Variants in ABCA9 observed in about 807,000 individuals in gnomAD.
ABCA9 encodes ATP binding cassette subfamily A member 9, also known as ATP-binding cassette sub-family A member 9.
Under a neutral mutation model 205.3 loss-of-function variants are expected in ABCA9, and 183 were observed. The ratio of observed to expected loss-of-function variants is 0.89; its 90% CI spans 0.79 to 1.01. The LOEUF is 1.01. ABCA9 is among the 50% of genes least tolerant of loss of function. ABCA9 has a pLI of 0.00. For missense variants in ABCA9, 1,805 were observed against 1,912.4 expected, an observed-to-expected ratio of 0.94 and a Z score of 1.05; for synonymous variants, 651 against 683.3, an observed-to-expected ratio of 0.95 and a Z score of 0.74.
At chr17:68,984,666 C>G (rs1310194419) in intron 34 of ABCA9, among the ~76,000 whole-genome samples, 2 of 152,172 alleles carry the variant, frequency 1.3e-5, no homozygotes, top group South Asian at 2.1e-4. Context: ...CATGTAGGCA[C>G]AGACACAAAA....
intron 1 of ABCA9, among the ~76,000 whole-genome samples, chr17:69,055,086 T>C (rs2072028932): frequency 6.6e-6 from 1 of 152,138 alleles, no homozygotes; most frequent in African/African-American, 2.4e-5. Flanking sequence ...AAAAATAGAA[T>C]TGAAGACTAG....
intron 25 of ABCA9, among the ~76,000 whole-genome samples, chr17:68,997,669 A>G (rs2069678974): frequency 6.6e-6 from 1 of 151,310 alleles, no homozygotes; most frequent in Non-Finnish European, 1.5e-5. Context: ...GCTTCACAGC[A>G]AAATTGAGTG....
At chr17:69,008,516 T>C (rs1326310764) in intron 23 of ABCA9, among the ~76,000 whole-genome samples, 1 of 152,234 alleles carries the variant, frequency 6.6e-6, no homozygotes, top group Non-Finnish European at 1.5e-5. Flanking sequence ...AAGACATCTT[T>C]TCTTTGCAAG....
intron 3 of ABCA9, among the ~76,000 whole-genome samples, chr17:69,048,550 A>G (rs2071795617): frequency 6.6e-6 from 1 of 152,138 alleles, no homozygotes; most frequent in South Asian, 2.1e-4. Flanking sequence ...CTTCTCTTCC[A>G]TAGTGTGACT....
chr17:68,984,303 T>G, intron 34 of ABCA9, 128 bp from the exon 35 acceptor site: 1 of 1,280,824 alleles, frequency 7.8e-7, no homozygotes, highest in South Asian at 1.5e-5. Flanking sequence ...AAAAGGGGTG[T>G]GTGTAGGGAT....
chr17:68,988,978 A>T (rs1007595346), intron 31 of ABCA9, 49 bp downstream of exon 31: 1 of 1,152,260 alleles, frequency 8.7e-7, no homozygotes, highest in Non-Finnish European at 1.3e-6. Flanking sequence ...TGCCATCAAT[A>T]TTCTTTGTAG....
chr17:69,012,912 G>A (rs150535632), intron 22 of ABCA9, among the ~76,000 whole-genome samples: 330 of 151,844 alleles, frequency 2.2e-3, no homozygotes, highest in African/African-American at 7.6e-3. Flanking sequence ...ATTTGACTAC[G>A]TCCATGAGTT....
In ABCA9 at chr17:69,012,411, A is replaced by G. The variant is rs2070414017; in HGVS notation, c.3040-328T>C. 5 of 196,136 alleles carry G rather than the reference A, an allele frequency of 2.5e-5. No individual in the cohort carries two copies. The South Asian group carries it at 6.5e-4, about 25-fold the overall frequency. 12.1% of individuals were successfully genotyped at this position (196,136 alleles called of 1,614,324 possible). A position where few individuals can be genotyped will look rare whatever the true frequency, so the allele number is the denominator to read the frequency against. On this transcript the variant is annotated intron_variant, in intron 22 of 38. Coordinates refer to ENST00000340001, the MANE Select transcript of ABCA9 (RefSeq NM_080283.4). ...GGTTACAATCTTACATGCATTGCTT[A>G]TATACATCAAGGCTGATGTTTTAAG...
At chr17:69,026,650 T>C (rs973563310) in intron 15 of ABCA9, among the ~76,000 whole-genome samples, 183 bp from the exon 16 acceptor site, 1 of 152,224 alleles carries the variant, frequency 6.6e-6, no homozygotes, top group African/African-American at 2.4e-5. Context: ...TGATAAATTA[T>C]GTCAACTTAT....
intron 3 of ABCA9, among the ~76,000 whole-genome samples, chr17:69,048,386 G>C (rs979116979): frequency 2.0e-5 from 3 of 151,804 alleles, no homozygotes; most frequent in Non-Finnish European, 4.4e-5. Context: ...AAAACGGTTA[G>C]TTATATTTTT....
At chr17:69,035,209 G>C (rs1372196784) in intron 8 of ABCA9, 37 bp downstream of exon 8, 1 of 1,431,774 alleles carries the variant, frequency 7.0e-7, no homozygotes, top group African/African-American at 1.4e-5. Context: ...TGTGTAGAAC[G>C]GTTTGTAAAA....
rs989907110 is a variant in ABCA9 at position 68,975,247 on chromosome 17, C to T, written c.*668G>A. The T allele has an allele frequency of 2.6e-5, 4 of 152,204 alleles. No homozygotes were observed. Among genetic ancestry groups the T allele is most frequent in the African/African-American group, 9.7e-5 (4 of 41,426 alleles). 9.4% of individuals were successfully genotyped at this position (152,204 alleles called of 1,614,324 possible). ...ATGTGTCACGTTTTCTTTATCCGGT[C>T]TATCATTTGTGGGTATTTTGGTTGG... On this transcript the variant is annotated 3_prime_UTR_variant, in exon 39 of 39. Coordinates refer to ENST00000340001, the MANE Select transcript of ABCA9 (RefSeq NM_080283.4).
In ABCA9 at chr17:69,023,561, C is replaced by T. The variant is rs2070888219; in HGVS notation, c.2281+653G>A. Among the ~76,000 whole-genome samples, 1 of 152,112 alleles carries T rather than the reference C, an allele frequency of 6.6e-6. No homozygotes were observed. Among genetic ancestry groups the T allele is most frequent in the South Asian group, 2.1e-4 (1 of 4,828 alleles). On this transcript the variant is annotated intron_variant, in intron 17 of 38. Coordinates refer to ENST00000340001, the MANE Select transcript of ABCA9 (RefSeq NM_080283.4). This position sits in a 1 kb window ranked among gnomAD's most constrained non-coding sequence, Gnocchi z 4.2. The stretch of plus-strand genomic sequence containing the variant: ...TATTGATTCAAGCATGCAGCAATGG[C>T]CCCGGTATAATTTCTTGAACTTGAT...
intron 25 of ABCA9, among the ~76,000 whole-genome samples, chr17:69,006,921 A>G (rs759751262): frequency 2.0e-5 from 3 of 152,206 alleles, no homozygotes; most frequent in Non-Finnish European, 4.4e-5. Flanking sequence ...GCGCTACTCT[A>G]GGTGACAGAG....
At chr17:69,069,713 CT>C in the ABCA9 span, among the ~76,000 whole-genome samples, 4 of 151,806 alleles carry the variant, frequency 2.6e-5, no homozygotes, top group African/African-American at 9.7e-5. Flanking sequence ...TTGATCCCTT[CT>C]TTTGTTTTAT....
At chr17:69,059,813 G>A (rs1428200815) in intron 1 of ABCA9, among the ~76,000 whole-genome samples, 7 of 152,090 alleles carry the variant, frequency 4.6e-5, no homozygotes, top group South Asian at 4.1e-4. Context: ...GCAGAACAAA[G>A]AAGGGCATGG....
upstream of ABCA9, among the ~76,000 whole-genome samples, chr17:69,064,183 C>A (rs1183018466): frequency 6.6e-6 from 1 of 152,264 alleles, no homozygotes; most frequent in South Asian, 2.1e-4. Context: ...CTTTAAATTA[C>A]GCTTTCCTGT....
intron 18 of ABCA9, 54 bp downstream of exon 18, chr17:69,021,688 C>T: frequency 8.6e-7 from 1 of 1,158,218 alleles, no homozygotes; most frequent in Non-Finnish European, 1.2e-6. Context: ...GTCCTTCCTT[C>T]CTTCCTTCCT....
At chr17:69,025,414 C>CA (rs1440694046) in intron 16 of ABCA9, among the ~76,000 whole-genome samples, 3 of 152,104 alleles carry the variant, frequency 2.0e-5, no homozygotes, top group African/African-American at 7.2e-5. Context: ...AAGACTTGGA[C>CA]ATGGTTAAAT....
Sources: allele counts gnomAD v4.1 joint callset (sites outside exome capture counted in the v4.1 genomes callset), GRCh38; gene constraint gnomAD v4.1.1; non-coding constraint Gnocchi (gnomAD v3.1); transcripts MANE v1.5; gene names NCBI Gene and HGNC (gene_info 2026-07-23, HGNC 2026-07-21).